Variants in TRPM7 observed in about 807,000 individuals in gnomAD.
TRPM7 encodes LTRPC ion channel family member 7.
Under a neutral mutation model 229.7 loss-of-function variants are expected in TRPM7, and 134 were observed. The observed-to-expected ratio is 0.58, with a 90% CI of 0.51 to 0.67. The LOEUF (loss-of-function observed/expected upper bound fraction) is 0.67. Ranked by LOEUF, TRPM7 falls within the 30% of genes least tolerant of loss-of-function variation. The probability of loss-of-function intolerance (pLI) is 0.00; values close to 1 mark genes in which losing one functional copy is unlikely to be tolerated. For missense variants in TRPM7, 1,901 were observed against 2,210.0 expected (o/e 0.86, Z 2.80); for synonymous variants, 699 against 715.2 (o/e 0.98, Z 0.36).
At chr15:50,651,335 T>C (rs2061414373) in intron 3 of TRPM7, among the ~76,000 whole-genome samples, 1 of 152,202 alleles carries the variant, frequency 6.6e-6, no homozygotes, top group Admixed American at 6.5e-5. Context: ...GTATTATAAA[T>C]GAGCTCCAAC....
At chr15:50,598,350 T>C (rs971724223) in intron 22 of TRPM7, among the ~76,000 whole-genome samples, 1 of 152,182 alleles carries the variant, frequency 6.6e-6, no homozygotes, top group African/African-American at 2.4e-5. Flanking sequence ...AGTAACAAAA[T>C]TGAACAACAA....
chr15:50,639,760 AC>A (rs1274971048), intron 5 of TRPM7, among the ~76,000 whole-genome samples: 2 of 148,036 alleles, frequency 1.4e-5, no homozygotes, highest in Non-Finnish European at 3.0e-5. Flanking sequence ...TTCAGTAGAG[AC>A]AGGTGGGTCT....
chr15:50,671,855 T>G (rs752557716), intron 1 of TRPM7, among the ~76,000 whole-genome samples: 1 of 152,084 alleles, frequency 6.6e-6, no homozygotes, highest in Non-Finnish European at 1.5e-5. Context: ...CATAAGTTCA[T>G]AGCACCAGGA....
intron 21 of TRPM7, chr15:50,599,552 TCACTGGTTCAAACTGA>T (rs1433687848): frequency 3.3e-6 from 1 of 307,644 alleles, no homozygotes; most frequent in Non-Finnish European, 5.9e-6. Context: ...ATGAATTGTA[TCACTGGTTCAAACTGA>T]AGTGTACCTA....
At chr15:50,623,702 A>AACGG (rs1596233508) in intron 12 of TRPM7, among the ~76,000 whole-genome samples, 3 of 152,214 alleles carry the variant, frequency 2.0e-5, no homozygotes, top group Admixed American at 1.3e-4. Context: ...TGTTACGAGA[A>AACGG]TAGTAAGTTT....
In TRPM7 at chr15:50,560,693, GAATT is replaced by G. The variant is rs2053276846; in HGVS notation, c.*981_*984del. ...AGTATCACATAATGATAATCCAACT[GAATT>G]AATTTCTTAAGTACCACAAACAGCA... On this transcript the variant is annotated 3_prime_UTR_variant, in exon 39 of 39. Coordinates refer to ENST00000646667, the MANE Select transcript of TRPM7 (RefSeq NM_017672.6). 6.6e-6 allele frequency: 1 copy of G among 152,504 alleles called. No individual in the cohort carries two copies. Among genetic ancestry groups the G allele is most frequent in the South Asian group, 2.1e-4 (1 of 4,832 alleles). 9.4% of individuals were successfully genotyped at this position (152,504 alleles called of 1,614,324 possible). A position where few individuals can be genotyped will look rare whatever the true frequency, so the allele number is the denominator to read the frequency against.
intron 25 of TRPM7, among the ~76,000 whole-genome samples, chr15:50,592,857 G>C (rs1483758530): frequency 6.6e-6 from 1 of 152,044 alleles, no homozygotes; most frequent in Non-Finnish European, 1.5e-5. Flanking sequence ...TGTTCCACAG[G>C]CTACTTATTC....
chr15:50,568,582 C>T (rs2053723068), intron 38 of TRPM7, among the ~76,000 whole-genome samples: 1 of 152,168 alleles, frequency 6.6e-6, no homozygotes, highest in African/African-American at 2.4e-5. Context: ...TCCTCAAAAA[C>T]TCCTTGGTGA....
At chr15:50,620,835 G>A (rs2060375338) in intron 12 of TRPM7, among the ~76,000 whole-genome samples, 1 of 152,136 alleles carries the variant, frequency 6.6e-6, no homozygotes, top group African/African-American at 2.4e-5. Context: ...GGGAGGCTGA[G>A]GTAGAAGAAT....
At position 50,628,001 on chromosome 15, in the gene TRPM7, G is replaced by T. The variant is rs140075659; in HGVS notation, c.1305+148C>A. ...GAGGCATACATTAAATCCTAAACTG[G>T]ATCGGAATGGTGTAGAAATACTTAG... On this transcript the variant is annotated intron_variant, in intron 11 of 38. Coordinates refer to ENST00000646667, the MANE Select transcript of TRPM7 (RefSeq NM_017672.6). The T allele has an allele frequency of 9.0e-3, 5,504 of 613,578 alleles. 44 individuals carry two copies. The highest frequency in any genetic ancestry group is 0.017 in the Middle Eastern group (39 of 2,254). 38.0% of individuals were successfully genotyped at this position (613,578 alleles called of 1,614,324 possible).
At chr15:50,567,324 C>T (rs1596051677) in intron 38 of TRPM7, among the ~76,000 whole-genome samples, 1 of 152,156 alleles carries the variant, frequency 6.6e-6, no homozygotes, top group African/African-American at 2.4e-5. Context: ...CTACCCCTGT[C>T]CCCTCCCCAC....
At chr15:50,662,326 CAAA>C (rs34002511) in intron 2 of TRPM7, among the ~76,000 whole-genome samples, 1 of 124,656 alleles carries the variant, frequency 8.0e-6, no homozygotes. Flanking sequence ...GACTCTGTTC[CAAA>C]AAAAAAAAAA....
In TRPM7 at chr15:50,591,962, C is replaced by G. The variant is rs1566968627; in HGVS notation, c.4273G>C (p.Val1425Leu). 1.9e-6 allele frequency: 3 copies of G among 1,600,958 alleles called. No individual in the cohort carries two copies. Among genetic ancestry groups the G allele is most frequent in the Non-Finnish European group, 1.7e-6 (2 of 1,176,594 alleles). The change falls in exon 26 of 39, where the codon GTT becomes CTT. Residue 1425 changes from valine to leucine, a missense_variant. By Grantham distance (32) the Val-to-Leu change is conservative. Coordinates refer to ENST00000646667, the MANE Select transcript of TRPM7 (RefSeq NM_017672.6). ...LETGTKDQET[V>L]CSKATEGDNT... ...TCTCCTTCTGTAGCTTTAGAGCAAA[C>G]AGTTTCTTGATCTTTGGTTCCAGTT...
rs769364001 is a variant in TRPM7, at chr15:50,631,398, A to C, written c.1204+19T>G. On this transcript the variant is annotated intron_variant, in intron 10 of 38. Coordinates refer to ENST00000646667, the MANE Select transcript of TRPM7 (RefSeq NM_017672.6). ...TAAAATAAAAGGTCTTACAAATAAAAAAGTTCTTAGAGGCTTACCTTTTAG... is the reference window on the plus strand; with the variant it reads ...TAAAATAAAAGGTCTTACAAATAAACAAGTTCTTAGAGGCTTACCTTTTAG... 6.4e-7 allele frequency: 1 copy of C among 1,555,968 alleles called. No homozygotes were observed. The highest frequency in any genetic ancestry group is 1.1e-5 in the South Asian group (1 of 87,906).
intron 8 of TRPM7, among the ~76,000 whole-genome samples, chr15:50,633,857 T>A (rs1458590405): frequency 6.6e-6 from 1 of 152,226 alleles, no homozygotes; most frequent in Non-Finnish European, 1.5e-5. Context: ...CTTACAAAAC[T>A]GTGTTCCATG....
At chr15:50,639,392 C>T (rs779098685) in intron 6 of TRPM7, 32 bp downstream of exon 6, 28 of 1,528,042 alleles carry the variant, frequency 1.8e-5, no homozygotes, top group Non-Finnish European at 1.8e-5. Context: ...CATATAATTT[C>T]AAACATAAGA....
intron 3 of TRPM7, 139 bp from the exon 4 acceptor site, chr15:50,649,024 T>G: frequency 1.8e-6 from 1 of 543,120 alleles, no homozygotes; most frequent in East Asian, 3.2e-5. Flanking sequence ...AGCTTTTTGA[T>G]TTTAGGATAT....
intron 10 of TRPM7, among the ~76,000 whole-genome samples, chr15:50,629,353 A>G (rs1385142538): frequency 6.7e-6 from 1 of 149,080 alleles, no homozygotes; most frequent in Non-Finnish European, 1.5e-5. Flanking sequence ...GTTCACTGCA[A>G]CCTCTGCCTC....
At chr15:50,580,451 T>C (rs2054345148) in intron 30 of TRPM7, among the ~76,000 whole-genome samples, 2 of 152,190 alleles carry the variant, frequency 1.3e-5, no homozygotes, top group Admixed American at 6.6e-5. Context: ...GCATACTGTG[T>C]ATTACTGCTC....
Sources: gnomAD v4.1 joint callset for allele counts (sites outside exome capture counted in the v4.1 genomes callset) on GRCh38, gnomAD v4.1.1 for gene constraint, MANE v1.5 for transcripts, NCBI Gene and HGNC (gene_info 2026-07-23, HGNC 2026-07-21) for gene names.